Variants in ST8SIA4 observed in about 807,000 individuals in gnomAD.
The protein encoded by ST8SIA4 is CMP-N-acetylneuraminate-poly-alpha-2,8-sialyltransferase.
Under a neutral mutation model 33.9 loss-of-function variants are expected in ST8SIA4, and 15 were observed. The observed-to-expected ratio is 0.44, with a 90% CI of 0.30 to 0.68. The LOEUF is 0.68. Among genes scored for constraint, ST8SIA4 ranks in the 30% least tolerant of loss-of-function variants. The probability of loss-of-function intolerance (pLI) is 0.10; values close to 1 mark genes in which losing one functional copy is unlikely to be tolerated. For synonymous variants in ST8SIA4, 171 were observed against 151.2 expected (o/e 1.13, Z -0.96); for missense variants, 321 against 428.0 (o/e 0.75, Z 2.21).
intron 4 of ST8SIA4, among the ~76,000 whole-genome samples, chr5:100,855,208 C>T (rs1321914363): frequency 6.6e-6 from 1 of 151,976 alleles, no homozygotes; most frequent in Admixed American, 6.6e-5. Context: ...TTATTTTATC[C>T]CTCTGGCAAT....
chr5:100,880,344 G>A (rs530035326), intron 3 of ST8SIA4, among the ~76,000 whole-genome samples: 1 of 152,264 alleles, frequency 6.6e-6, no homozygotes, highest in South Asian at 2.1e-4. Flanking sequence ...GTGACAGATG[G>A]TGACAGTGGT....
intron 3 of ST8SIA4, among the ~76,000 whole-genome samples, chr5:100,862,550 C>G (rs1477154874): frequency 6.6e-6 from 1 of 151,984 alleles, no homozygotes; most frequent in Non-Finnish European, 1.5e-5. Flanking sequence ...AGGCGCCCCC[C>G]ACCACCCCAG....
intron 4 of ST8SIA4, among the ~76,000 whole-genome samples, chr5:100,821,680 AC>A (rs1196018819): frequency 6.6e-6 from 1 of 152,232 alleles, no homozygotes; most frequent in East Asian, 1.9e-4. Context: ...AAGTACACTA[AC>A]TAAACATCAG....
intron 4 of ST8SIA4, among the ~76,000 whole-genome samples, chr5:100,829,862 C>T (rs188510863): frequency 0.017 from 2,519 of 150,248 alleles, 29 homozygotes; most frequent in Admixed American, 0.025. Context: ...GAGCCGAGAT[C>T]GCGCCACTGC....
At chr5:100,848,570 A>G (rs1233620386) in intron 4 of ST8SIA4, among the ~76,000 whole-genome samples, 2 of 150,032 alleles carry the variant, frequency 1.3e-5, no homozygotes, top group Admixed American at 6.7e-5. Flanking sequence ...ATATATTAAT[A>G]TATATGTTTT....
chr5:100,848,249 C>A (rs1033467328), intron 4 of ST8SIA4, among the ~76,000 whole-genome samples: 3 of 151,286 alleles, frequency 2.0e-5, no homozygotes, highest in Admixed American at 2.0e-4. Flanking sequence ...AGTAATGTAC[C>A]ATTATTACAA....
At chr5:100,838,314 TA>T (rs1049158324) in intron 4 of ST8SIA4, among the ~76,000 whole-genome samples, 1 of 152,062 alleles carries the variant, frequency 6.6e-6, no homozygotes, top group Admixed American at 6.6e-5. Context: ...ATTTCATTTT[TA>T]AATATCTGTG....
intron 2 of ST8SIA4, 97 bp downstream of exon 2, chr5:100,895,557 C>T: frequency 8.2e-7 from 1 of 1,222,420 alleles, no homozygotes; most frequent in Non-Finnish European, 1.1e-6. Flanking sequence ...AGTATTCATA[C>T]TTAAACCATA....
chr5:100,867,327 C>A lies in ST8SIA4; in HGVS notation c.504-10931G>T, dbSNP rs190035238. Among the ~76,000 whole-genome samples, 3 of 152,072 alleles carry A rather than the reference C, an allele frequency of 2.0e-5. No homozygotes were observed. The East Asian group carries it at 5.8e-4, about 29-fold the overall frequency. ...ATGTATGTATCCTGACACATTCTTG[C>A]CAAAATCATCAGGGAAACTGACTAC... is the stretch of plus-strand genomic sequence containing the variant. On this transcript the variant is annotated intron_variant, in intron 3 of 4. Coordinates refer to ENST00000231461, the MANE Select transcript of ST8SIA4 (RefSeq NM_005668.6).
Position 100,811,964 on chromosome 5 carries a change from T to C in ST8SIA4, c.963A>G (p.Lys321=). 6.2e-7 allele frequency: 1 copy of C among 1,614,160 alleles called. No individual in the cohort carries two copies. Reference sequence around the variant, plus strand: ...GGCTTGCATTGGAAAAGTACCTATATTTTAAGTCATCATAATAATGATATT... The same window carrying C: ...GGCTTGCATTGGAAAAGTACCTATACTTTAAGTCATCATAATAATGATATT... ...AVKYHYYDDL[K]YRYFSNASPH... The change falls in exon 5 of 5, where the codon AAA becomes AAG. Residue 321 remains lysine, a synonymous_variant. Transcript: ENST00000231461.
intron 3 of ST8SIA4, among the ~76,000 whole-genome samples, chr5:100,883,106 G>C (rs914096529): frequency 1.3e-5 from 2 of 152,152 alleles, no homozygotes; most frequent in African/African-American, 4.8e-5. Context: ...GCCTGGAAAA[G>C]CCGCACTCAA....
chr5:100,834,510 G>T (rs1751325440), intron 4 of ST8SIA4, among the ~76,000 whole-genome samples: 1 of 151,946 alleles, frequency 6.6e-6, no homozygotes, highest in Admixed American at 6.6e-5. Flanking sequence ...TTCTCTTATT[G>T]TTTATTACTT....
At chr5:100,891,315 C>A (rs1220591447) in intron 2 of ST8SIA4, among the ~76,000 whole-genome samples, 1 of 151,820 alleles carries the variant, frequency 6.6e-6, no homozygotes, top group Non-Finnish European at 1.5e-5. Flanking sequence ...TTAGTACTGA[C>A]CCAGTTCACT....
Position 100,810,398 on chromosome 5 carries a change from C to T in ST8SIA4, c.*1449G>A, listed in dbSNP as rs1490475461. ...TACTCTATTAATAATGTTATTTCTG[C>T]ACTAAGAAATTTAACAGTAATATAT... is the stretch of plus-strand genomic sequence containing the variant. On this transcript the variant is annotated 3_prime_UTR_variant, in exon 5 of 5. Coordinates refer to ENST00000231461, the MANE Select transcript of ST8SIA4 (RefSeq NM_005668.6). 6.6e-6 allele frequency: 1 copy of T among 151,990 alleles called. No individual in the cohort carries two copies. Among genetic ancestry groups the T allele is most frequent in the African/African-American group, 2.4e-5 (1 of 41,370 alleles). 9.4% of individuals were successfully genotyped at this position (151,990 alleles called of 1,614,324 possible).
At chr5:100,827,015 G>T (rs1443170789) in intron 4 of ST8SIA4, among the ~76,000 whole-genome samples, 2 of 151,250 alleles carry the variant, frequency 1.3e-5, no homozygotes, top group African/African-American at 2.4e-5. Flanking sequence ...TCCTCCCCAA[G>T]TTTTTGTTAC....
At chr5:100,897,105 G>A (rs574998750) in intron 1 of ST8SIA4, among the ~76,000 whole-genome samples, 13 of 152,218 alleles carry the variant, frequency 8.5e-5, no homozygotes, top group East Asian at 5.8e-4. Flanking sequence ...ACATCTCAAC[G>A]AGTCACTTCC....
chr5:100,890,433 T>C (rs1334682421), intron 2 of ST8SIA4: 2 of 151,916 alleles, frequency 1.3e-5, no homozygotes, highest in Non-Finnish European at 2.9e-5. Flanking sequence ...AGACAATTGA[T>C]AGAAATTTTT....
rs1752956639 is a variant in ST8SIA4 at position 100,903,013 on chromosome 5, A to G, written c.-58T>C. The G allele has an allele frequency of 3.1e-6, 4 of 1,285,428 alleles. No individual in the cohort carries two copies. The highest frequency in any genetic ancestry group is 1.7e-5 in the Admixed American group (1 of 57,954). The allele number at this position is 1,285,428 out of a possible 1,614,324, so 79.6% of individuals were successfully genotyped here. Reference sequence around the variant, plus strand: ...GCTCCCGCACCTTCTCTTGATATAAAGGCTCCGTTTTGGGGAGATAGTCGC... The same window carrying G: ...GCTCCCGCACCTTCTCTTGATATAAGGGCTCCGTTTTGGGGAGATAGTCGC... On this transcript the variant is annotated 5_prime_UTR_variant, in exon 1 of 5. Transcript: ENST00000231461.
chr5:100,866,064 C>A (rs1752054454), intron 3 of ST8SIA4, among the ~76,000 whole-genome samples: 1 of 152,118 alleles, frequency 6.6e-6, no homozygotes, highest in Non-Finnish European at 1.5e-5. Context: ...AATAGTAATT[C>A]TCAGTGCCTT....
Sources: allele counts gnomAD v4.1 joint callset (sites outside exome capture counted in the v4.1 genomes callset), GRCh38; gene constraint gnomAD v4.1.1; transcripts MANE v1.5; gene names NCBI Gene and HGNC (gene_info 2026-07-23, HGNC 2026-07-21).